DDX11: variants seen among roughly 807,000 people sequenced by gnomAD.
DDX11 encodes the protein DEAD/H-box helicase 11, also known as ATP-dependent DNA helicase DDX11.
In DDX11, 72 loss-of-function variants were observed where a neutral mutation model predicts 125.2. That is an observed-to-expected ratio of 0.58 (90% CI 0.48 to 0.70). The LOEUF (loss-of-function observed/expected upper bound fraction) is 0.70, where lower values mean the gene tolerates loss of function less well. Ranked by LOEUF, DDX11 falls within the 30% of genes least tolerant of loss-of-function variation. The probability of loss-of-function intolerance (pLI) is 0.00; values close to 1 mark genes in which losing one functional copy is unlikely to be tolerated. For missense variants in DDX11, 883 were observed against 1,165.0 expected, an observed-to-expected ratio of 0.76 and a Z score of 3.52; for synonymous variants, 347 against 452.6, an observed-to-expected ratio of 0.77 and a Z score of 2.96.
chr12:31,091,922 C>T (rs1944310772), intron 10 of DDX11, 51 bp downstream of exon 10: 2 of 1,611,994 alleles, frequency 1.2e-6, no homozygotes, highest in African/African-American at 1.3e-5. Context: ...CGTAAAGGGA[C>T]TTGGATGGTT....
rs199963129 is a variant in DDX11 at position 31,087,931 on chromosome 12, C to T, written c.639-7C>T. 75 of 1,608,648 alleles carry T rather than the reference C, an allele frequency of 4.7e-5. No individual in the cohort carries two copies. The highest frequency in any genetic ancestry group is 6.2e-5 in the Non-Finnish European group (73 of 1,178,144). On this transcript the variant is annotated splice_region_variant and splice_polypyrimidine_tract_variant and intron_variant, in intron 5 of 26. Transcript: ENST00000542838. ...AGACTGTTTTCTGTTCTCTCTCACA[C>T]ACACAGAGTGGATGAGGATGAGGAT... is the stretch of plus-strand genomic sequence containing the variant.
chr12:31,103,124 C>T (rs2543287), intron 24 of DDX11, 104 bp downstream of exon 24: 35 of 1,437,808 alleles, frequency 2.4e-5, no homozygotes, highest in South Asian at 2.2e-4. Context: ...GCTGCGCTGG[C>T]GTCTCCTGCC....
chr12:31,102,954 C>T lies in DDX11; in HGVS notation c.2391C>T (p.Gly797=). ...CGCCCAGGTGTGTGGTGATGGTGGG[C>T]ATGCCCTTCCCCAACATCAGGTCTG... ...DNLGRCVVMV[G]MPFPNIRSAE... is the part of the protein sequence containing the mutation. The change falls in exon 24 of 27, where the codon GGC becomes GGT. Residue 797 remains glycine, a synonymous_variant. Transcript: ENST00000542838. The T allele has an allele frequency of 6.2e-7, 1 of 1,613,950 alleles. No individual in the cohort carries two copies. The highest frequency in any genetic ancestry group is 8.5e-7 in the Non-Finnish European group (1 of 1,179,838).
intron 5 of DDX11, 63 bp from the exon 6 acceptor site, chr12:31,087,875 C>T (rs1943433227): frequency 1.3e-6 from 2 of 1,567,598 alleles, no homozygotes; most frequent in South Asian, 1.2e-5. Context: ...TCAGCAGATG[C>T]TCAGTGCGTT....
At position 31,087,940 on chromosome 12, in the gene DDX11, TGGATGA is replaced by T. The variant is rs763070014; in HGVS notation, c.654_659del (p.Glu218_Asp219del). The T allele has an allele frequency of 1.9e-6, 3 of 1,608,228 alleles. No individual in the cohort carries two copies. The highest frequency in any genetic ancestry group is 2.2e-5 in the East Asian group (1 of 44,576). On this transcript the variant is annotated inframe_deletion, in exon 6 of 27. Coordinates refer to ENST00000542838, the MANE Select transcript of DDX11 (RefSeq NM_030653.4). ...TCTGTTCTCTCTCACACACACAGAG[TGGATGA>T]GGATGAGGATGACCTGGAGGAAGAA...
chr12:31,084,922 G>C (rs1216633253), intron 4 of DDX11, 47 bp from the exon 5 acceptor site: 2 of 1,567,064 alleles, frequency 1.3e-6, no homozygotes, highest in Non-Finnish European at 8.7e-7. Context: ...GTGGGTACTG[G>C]TGCTGAGACT....
At chr12:31,089,698 G>T (rs955531106) in intron 8 of DDX11, 188 bp from the exon 9 acceptor site, 10 of 1,237,932 alleles carry the variant, frequency 8.1e-6, no homozygotes, top group Non-Finnish European at 1.2e-5. Context: ...ATGATTTTAC[G>T]GGCTCTTTCT....
intron 1 of DDX11, among the ~76,000 whole-genome samples, chr12:31,075,186 A>G (rs1213421949): frequency 6.6e-6 from 1 of 152,022 alleles, no homozygotes; most frequent in Non-Finnish European, 1.5e-5. Flanking sequence ...TGTTTTTAAT[A>G]GGGCTTAGTG....
At position 31,074,423 on chromosome 12, in the gene DDX11, A is replaced by C. The variant is rs572679688; in HGVS notation, c.-5+332A>C. On this transcript the variant is annotated intron_variant, in intron 1 of 26. Transcript: ENST00000542838. The stretch of plus-strand genomic sequence containing the variant: ...ATACAGCTGGGATCCTAAACTTGGC[A>C]ATCAGAGCCCAGAGCCGATAAAGTT... 2.0e-5 allele frequency: 3 copies of C among 152,340 alleles called. No individual in the cohort carries two copies. In the East Asian group the frequency reaches 5.8e-4, roughly 29 times the overall value. The allele number at this position is 152,340 out of a possible 1,614,324, so 9.4% of individuals were successfully genotyped here.
rs780482701 is a variant in DDX11 at position 31,103,312 on chromosome 12, C to A, written c.2458-5C>A. 3.1e-6 allele frequency: 5 copies of A among 1,610,516 alleles called. No individual in the cohort carries two copies. The South Asian group carries it at 5.5e-5, about 18-fold the overall frequency. On this transcript the variant is annotated splice_region_variant and splice_polypyrimidine_tract_variant and intron_variant, in intron 24 of 26. Coordinates refer to ENST00000542838, the MANE Select transcript of DDX11 (RefSeq NM_030653.4). ...GTCCTGATGGGTCTTCCCCTTCACT[C>A]CCAGCCCAGAGCCCCCGGCCAGGCA...
chr12:31,088,279 G>A (rs1256988956), intron 6 of DDX11, among the ~76,000 whole-genome samples: 1 of 151,778 alleles, frequency 6.6e-6, no homozygotes, highest in African/African-American at 2.4e-5. Flanking sequence ...TTTGGGGCCT[G>A]GGGAGACATC....
In DDX11 at chr12:31,102,999, G is replaced by A. The variant is rs758200546; in HGVS notation, c.2436G>A (p.Met812Ile). The A allele has an allele frequency of 6.2e-7, 1 of 1,613,900 alleles. No individual in the cohort carries two copies. Among genetic ancestry groups the A allele is most frequent in the Non-Finnish European group, 8.5e-7 (1 of 1,179,788 alleles). The change falls in exon 24 of 27, where the codon ATG becomes ATA. Residue 812 changes from methionine (M) to isoleucine (I), a missense_variant. Physicochemically the swap from Met to Ile is conservative, Grantham distance 10 (BLOSUM62 1). Coordinates refer to ENST00000542838, the MANE Select transcript of DDX11 (RefSeq NM_030653.4). ...GGTCTGCAGAGCTGCAGGAGAAGAT[G>A]GCCTACTTGGATCAAACCCTCGTGA... is the stretch of plus-strand genomic sequence containing the variant. ...NIRSAELQEKMAYLDQTLPRA... is the reference protein window; with the variant it reads ...NIRSAELQEKIAYLDQTLPRA...
chr12:31,092,944 G>A lies in DDX11; in HGVS notation c.1289+52G>A, dbSNP rs2543282. 129 of 1,607,772 alleles carry A rather than the reference G, an allele frequency of 8.0e-5. 1 individual carries two copies. The highest frequency in any genetic ancestry group is 1.6e-4 in the Middle Eastern group (1 of 6,064). ...GGACAGTCCCTTGGTGGCCCCCTGC[G>A]TGGGCCTCTGAGAGGCAGGCAGCAC... On this transcript the variant is annotated intron_variant, in intron 11 of 26. Coordinates refer to ENST00000542838, the MANE Select transcript of DDX11 (RefSeq NM_030653.4).
At chr12:31,084,936 TCCTC>T (rs1253845372) in intron 4 of DDX11, 29 bp from the exon 5 acceptor site, 7 of 1,583,198 alleles carry the variant, frequency 4.4e-6, no homozygotes, top group Non-Finnish European at 6.0e-6. Flanking sequence ...TGAGACTTCT[TCCTC>T]CCTCACCACC....
Position 31,103,339 on chromosome 12 carries a change from C to T in DDX11, c.2480C>T (p.Pro827Leu). 6.2e-7 allele frequency: 1 copy of T among 1,611,364 alleles called. No homozygotes were observed. The highest frequency in any genetic ancestry group is 1.1e-5 in the South Asian group (1 of 90,728). Residue 827 changes from proline (P) to leucine (L), a missense_variant, in exon 25 of 27, where the codon CCC (proline) becomes CTC (leucine). Transcript: ENST00000542838. ...QTLPRAPGQAPPGKALVENLC... is the reference protein window; with the variant it reads ...QTLPRAPGQALPGKALVENLC... The stretch of plus-strand genomic sequence containing the variant: ...CAGCCCAGAGCCCCCGGCCAGGCAC[C>T]CCCAGGGAAGGCTCTGGTGGAGAAC...
intron 18 of DDX11, 48 bp downstream of exon 18, chr12:31,098,045 A>G (rs1489730479): frequency 1.3e-6 from 2 of 1,520,960 alleles, no homozygotes; most frequent in South Asian, 2.2e-5. Context: ...TTGGGATGAG[A>G]TGGGGGCTTG....
chr12:31,091,402 G>C (rs1469845061), intron 9 of DDX11: 1 of 317,134 alleles, frequency 3.2e-6, no homozygotes, highest in African/African-American at 2.2e-5. Flanking sequence ...CCGATGGTCT[G>C]CAGGTGTTTG....
At chr12:31,101,768 C>T (rs1265289061) in intron 20 of DDX11, 65 bp from the exon 21 acceptor site, 86 of 1,605,742 alleles carry the variant, frequency 5.4e-5, no homozygotes, top group Non-Finnish European at 6.5e-5. Flanking sequence ...GGTGAAGACG[C>T]GGTTTGTGGG....
intron 1 of DDX11, among the ~76,000 whole-genome samples, chr12:31,075,699 G>A (rs1357514986): frequency 1.3e-5 from 2 of 152,166 alleles, no homozygotes; most frequent in Non-Finnish European, 2.9e-5. Context: ...CTACTCATTC[G>A]TTCATCAGAT....
Sources: allele counts gnomAD v4.1 joint callset (sites outside exome capture counted in the v4.1 genomes callset), GRCh38; gene constraint gnomAD v4.1.1; transcripts MANE v1.5; gene names NCBI Gene and HGNC (gene_info 2026-07-23, HGNC 2026-07-21).